The following SLC4A4 variants were observed in gnomAD, a reference collection of about 807,000 sequenced individuals.
The protein encoded by SLC4A4 is electrogenic sodium bicarbonate cotransporter 1.
In SLC4A4, 27 loss-of-function variants were observed where a neutral mutation model predicts 111.5. That is an observed-to-expected ratio of 0.24 (90% confidence interval 0.18 to 0.33). The LOEUF (loss-of-function observed/expected upper bound fraction) is 0.33, where lower values mean the gene tolerates loss of function less well. Among genes scored for constraint, SLC4A4 ranks in the 10% least tolerant of loss-of-function variants. The pLI, the probability that SLC4A4 is intolerant of heterozygous loss-of-function variation, is 1.00. For missense variants in SLC4A4, 909 were observed against 1,315.5 expected (o/e 0.69, Z 4.78); for synonymous variants, 443 against 463.4 (o/e 0.96, Z 0.57).
At chr4:71,517,548 T>C (rs1732522016) in intron 16 of SLC4A4, among the ~76,000 whole-genome samples, 1 of 152,202 alleles carries the variant, frequency 6.6e-6, no homozygotes, top group African/African-American at 2.4e-5. Flanking sequence ...CCTGTCTTTT[T>C]AGAAAGTTTG....
intron 12 of SLC4A4, among the ~76,000 whole-genome samples, chr4:71,455,975 G>T (rs1179058936): frequency 6.6e-6 from 1 of 152,128 alleles, no homozygotes; most frequent in Admixed American, 6.6e-5. Context: ...GGCCTTGCTG[G>T]TGGAATTAGC....
At chr4:71,357,289 T>A (rs1487049461) in intron 6 of SLC4A4, 102 bp downstream of exon 6, 1 of 1,179,554 alleles carries the variant, frequency 8.5e-7, no homozygotes, top group Non-Finnish European at 1.3e-6. Context: ...ATATTTTTTC[T>A]TTTCTTGAGT....
At chr4:71,117,096 C>T (rs1465465985) in intron 2 of SLC4A4, among the ~76,000 whole-genome samples, 1 of 152,132 alleles carries the variant, frequency 6.6e-6, no homozygotes, top group Non-Finnish European at 1.5e-5. Context: ...TTCACCTCAG[C>T]CTCCCAAGCA....
At chr4:71,236,526 T>C (rs1272340958) in intron 1 of SLC4A4, 50 bp from the exon 2 acceptor site, 1 of 1,545,598 alleles carries the variant, frequency 6.5e-7, no homozygotes, top group Non-Finnish European at 8.9e-7. Context: ...TCCAAGTGGC[T>C]CGCTCCAGGA....
At chr4:71,082,643 C>A (rs1228001603) in intron 1 of SLC4A4, among the ~76,000 whole-genome samples, 1 of 151,988 alleles carries the variant, frequency 6.6e-6, no homozygotes, top group African/African-American at 2.4e-5. Flanking sequence ...TATAACAATA[C>A]CATGTAGCCA....
intron 6 of SLC4A4, among the ~76,000 whole-genome samples, chr4:71,384,701 G>A (rs1301158299): frequency 6.8e-6 from 1 of 147,230 alleles, no homozygotes; most frequent in Non-Finnish European, 1.5e-5. Context: ...AAATACATTT[G>A]TATTATTATT....
chr4:71,227,062 G>A (rs542046537), intron 1 of SLC4A4, among the ~76,000 whole-genome samples: 37 of 152,246 alleles, frequency 2.4e-4, no homozygotes, highest in African/African-American at 7.9e-4. Context: ...GCATTGTAAC[G>A]TGCTATATGA....
At position 71,158,667 on chromosome 4, in the gene SLC4A4, G is replaced by C. The variant is rs771570516; in HGVS notation, c.-2+65875G>C. 3.3e-5 allele frequency among the ~76,000 whole-genome samples: 5 copies of C among 152,274 alleles called. No individual in the cohort carries two copies. The East Asian group carries it at 9.6e-4, about 29-fold the overall frequency. ...TTGAGCAGGGTATTTGGTGTTGGCAGGCGCTTCTTCTATCAATATAGATTT... is the reference window on the plus strand; with the variant it reads ...TTGAGCAGGGTATTTGGTGTTGGCACGCGCTTCTTCTATCAATATAGATTT... On this transcript the variant is annotated intron_variant, in intron 2 of 26. Coordinates refer to the SLC4A4 transcript ENST00000649996.
chr4:71,177,856 C>T (rs1745149036), intron 2 of SLC4A4, among the ~76,000 whole-genome samples: 2 of 152,236 alleles, frequency 1.3e-5, no homozygotes, highest in African/African-American at 4.8e-5. Flanking sequence ...AACTCTCCAC[C>T]CCAAATCAAC....
chr4:71,086,935 G>A (rs1038976960), intron 1 of SLC4A4, among the ~76,000 whole-genome samples: 8 of 151,948 alleles, frequency 5.3e-5, no homozygotes, highest in Admixed American at 3.9e-4. Flanking sequence ...GAGTTAGGGA[G>A]GATTCCCTCT....
chr4:71,240,055 A>G (rs559179762), intron 2 of SLC4A4, among the ~76,000 whole-genome samples: 8 of 152,262 alleles, frequency 5.3e-5, no homozygotes. Flanking sequence ...CGTTTCAAAC[A>G]TAGATGGGGG....
At chr4:71,446,378 A>G (rs909349623) in intron 8 of SLC4A4, among the ~76,000 whole-genome samples, 4 of 152,156 alleles carry the variant, frequency 2.6e-5, no homozygotes, top group African/African-American at 7.2e-5. Context: ...GTCCCTGGCT[A>G]AGCATCCAGA....
chr4:71,103,483 A>G (rs1342794635), intron 2 of SLC4A4, among the ~76,000 whole-genome samples: 1 of 152,164 alleles, frequency 6.6e-6, no homozygotes, highest in Non-Finnish European at 1.5e-5. Flanking sequence ...TTTCAGCACC[A>G]CACCACACCT....
intron 6 of SLC4A4, among the ~76,000 whole-genome samples, chr4:71,362,042 T>C (rs1251155449): frequency 6.6e-6 from 1 of 152,176 alleles, no homozygotes; most frequent in African/African-American, 2.4e-5. Flanking sequence ...GACCTGACTT[T>C]AAGGACCAAA....
chr4:71,110,315 A>G (rs994559430), intron 2 of SLC4A4, among the ~76,000 whole-genome samples: 2 of 152,120 alleles, frequency 1.3e-5, no homozygotes, highest in African/African-American at 4.8e-5. Context: ...TCCAGGCTCA[A>G]GAGATCTTCC....
chr4:71,321,178 T>G (rs4336192), intron 3 of SLC4A4, among the ~76,000 whole-genome samples: 11,466 of 152,086 alleles, frequency 0.075, 786 homozygotes, highest in Admixed American at 0.22. Flanking sequence ...TTCTATCAGC[T>G]TTGTGTAGTT....
intron 2 of SLC4A4, among the ~76,000 whole-genome samples, chr4:71,246,862 ACGTC>A (rs1720699111): frequency 6.6e-6 from 1 of 152,156 alleles, no homozygotes; most frequent in South Asian, 2.1e-4. Flanking sequence ...TAGTCTCTAT[ACGTC>A]ATTAATTGCC....
intron 12 of SLC4A4, among the ~76,000 whole-genome samples, chr4:71,464,104 G>A (rs968575209): frequency 6.6e-6 from 1 of 152,076 alleles, no homozygotes; most frequent in Admixed American, 6.5e-5. Flanking sequence ...TGCATACACT[G>A]GTGTAAGTTG....
chr4:71,385,161 T>C (rs1718562353), intron 6 of SLC4A4, among the ~76,000 whole-genome samples: 1 of 137,316 alleles, frequency 7.3e-6, no homozygotes, highest in Non-Finnish European at 1.6e-5. Context: ...ATTGTCAATA[T>C]AGGTTAGATT....
Sources: gnomAD v4.1 joint callset for allele counts (sites outside exome capture counted in the v4.1 genomes callset) on GRCh38, gnomAD v4.1.1 for gene constraint, MANE v1.5 for transcripts, NCBI Gene and HGNC (gene_info 2026-07-23, HGNC 2026-07-21) for gene names.